Variants in C19orf38 observed in about 807,000 individuals in gnomAD.
C19orf38 encodes the protein chromosome 19 open reading frame 38, also known as protein HIDE1.
A neutral mutation model predicts 26.6 loss-of-function variants in C19orf38; 14 were observed. The ratio of observed to expected loss-of-function variants is 0.53; its 90% CI spans 0.35 to 0.82. C19orf38 has a LOEUF of 0.82. C19orf38 is among the 40% of genes least tolerant of loss of function. The pLI is 0.01. For missense variants in C19orf38, 261 were observed against 299.5 expected (o/e 0.87, Z 0.95); for synonymous variants, 132 against 128.5 (o/e 1.03, Z -0.18).
At chr19:10,859,486 G>A (rs1460345287) in intron 4 of C19orf38, among the ~76,000 whole-genome samples, 3 of 145,964 alleles carry the variant, frequency 2.1e-5, no homozygotes, top group Non-Finnish European at 3.0e-5. Context: ...GGGTTCAAGC[G>A]ATTCTCCTGC....
intron 1 of C19orf38, among the ~76,000 whole-genome samples, chr19:10,840,823 C>T (rs1379993659): frequency 6.6e-6 from 1 of 152,188 alleles, no homozygotes; most frequent in Non-Finnish European, 1.5e-5. Flanking sequence ...AGCCTAGAGA[C>T]AGGTTTTTGC....
chr19:10,842,567 T>C (rs1254475403), intron 1 of C19orf38, among the ~76,000 whole-genome samples: 3 of 151,972 alleles, frequency 2.0e-5, no homozygotes, highest in African/African-American at 7.2e-5. Context: ...GCTAAAATAA[T>C]TTTTAATGGA....
At chr19:10,857,359 TATATATA>T (rs1349270509) in intron 3 of C19orf38, among the ~76,000 whole-genome samples, 21 of 87,646 alleles carry the variant, frequency 2.4e-4, no homozygotes, top group African/African-American at 1.2e-3. Context: ...TATATATATA[TATATATA>T]TTTTTTTTTT....
At chr19:10,849,310 T>A (rs2073545772) in intron 1 of C19orf38, among the ~76,000 whole-genome samples, 1 of 152,074 alleles carries the variant, frequency 6.6e-6, no homozygotes, top group Non-Finnish European at 1.5e-5. Context: ...CGTGAGCCAC[T>A]GCATCAGGTG....
Position 10,869,231 on chromosome 19 carries a change from A to T in C19orf38, c.557A>T (p.Glu186Val). 6.4e-7 allele frequency: 1 copy of T among 1,551,588 alleles called. No individual in the cohort carries two copies. Among genetic ancestry groups the T allele is most frequent in the Non-Finnish European group, 8.7e-7 (1 of 1,146,906 alleles). ...ACATGGACAAAGAAAACGATGCCAG[A>T]AGAAGACCCGGCCACCTTGGATGAT... ...LFTVSAKTMP[E>V]EDPATLDDHS... The change falls in exon 7 of 7, where the codon GAA becomes GTA. Residue 186 changes from glutamate to valine, a missense_variant. Physicochemically the swap from Glu to Val is moderately radical, Grantham distance 121. Coordinates refer to ENST00000397820, the MANE Select transcript of C19orf38 (RefSeq NM_001136482.3).
intron 2 of C19orf38, among the ~76,000 whole-genome samples, chr19:10,851,999 A>G (rs1466038128): frequency 6.6e-6 from 1 of 151,572 alleles, no homozygotes; most frequent in African/African-American, 2.4e-5. Flanking sequence ...AAAAAATACA[A>G]AAAATAGCTG....
rs150692178 is a variant in C19orf38, at chr19:10,855,746, T to C, written c.341-519T>C. 3.5e-3 allele frequency among the ~76,000 whole-genome samples: 540 copies of C among 152,244 alleles called. 11 individuals carry two copies. The South Asian group carries it at 0.05, about 14-fold the overall frequency. On this transcript the variant is annotated intron_variant, in intron 2 of 6. Transcript: ENST00000397820. ...GGTTTCACAGTGTTAGCCAGGATGG[T>C]CTCGATCTACTGACCTAGTGATCCA...
In C19orf38 at chr19:10,863,457, C is replaced by A. The variant is rs570823804; in HGVS notation, c.543+250C>A. Among the ~76,000 whole-genome samples the A allele has an allele frequency of 2.0e-5, 3 of 152,176 alleles. No homozygotes were observed. The East Asian group carries it at 5.8e-4, about 29-fold the overall frequency. The stretch of plus-strand genomic sequence containing the variant: ...TCTTGTGGCCACAGGCAGGCAGGCC[C>A]CTTGGTGGTATGTCCTGGCCTGGTC... On this transcript the variant is annotated intron_variant, in intron 6 of 6. Transcript: ENST00000397820.
At chr19:10,851,974 C>CAAAAAAAA (rs903489432) in intron 2 of C19orf38, among the ~76,000 whole-genome samples, 1 of 48,544 alleles carries the variant, frequency 2.1e-5, no homozygotes, top group Non-Finnish European at 4.3e-5. Flanking sequence ...GACTCCGTCT[C>CAAAAAAAA]AAAAAAAAAA....
At chr19:10,848,177 C>G (rs2073533180), upstream of C19orf38, among the ~76,000 whole-genome samples, 1 of 152,032 alleles carries the variant, frequency 6.6e-6, no homozygotes, top group East Asian at 1.9e-4. Context: ...GGCAACAGAG[C>G]AAGACTCTGT....
rs1428761594 is a variant in C19orf38 at position 10,856,130 on chromosome 19, A to C, written c.341-135A>C. 2.0e-5 allele frequency: 13 copies of C among 646,510 alleles called. No individual in the cohort carries two copies. In the Admixed American group the frequency reaches 2.5e-4, roughly 13 times the overall value. 40.0% of individuals were successfully genotyped at this position (646,510 alleles called of 1,614,324 possible). A position where few individuals can be genotyped will look rare whatever the true frequency, so the allele number is the denominator to read the frequency against. ...GGGATAGGCTAATTGGCCAGACACA[A>C]AGTTTGCTAAGTCTCTTGGGTCCAG... On this transcript the variant is annotated intron_variant, in intron 2 of 6. Transcript: ENST00000397820.
intron 2 of C19orf38, among the ~76,000 whole-genome samples, chr19:10,855,900 G>A (rs530381811): frequency 2.0e-5 from 3 of 152,160 alleles, no homozygotes; most frequent in Non-Finnish European, 4.4e-5. Context: ...CTGGCCTCAA[G>A]TAATCCACCT....
At chr19:10,846,627 A>C (rs952508965), upstream of C19orf38, among the ~76,000 whole-genome samples, 3 of 152,220 alleles carry the variant, frequency 2.0e-5, no homozygotes, top group Non-Finnish European at 4.4e-5. Flanking sequence ...AGGAAGACCG[A>C]TAAGAGACAA....
intron 3 of C19orf38, among the ~76,000 whole-genome samples, chr19:10,857,358 A>AT (rs1395725984): frequency 4.9e-5 from 4 of 82,440 alleles, no homozygotes; most frequent in South Asian, 3.7e-4. Flanking sequence ...ATATATATAT[A>AT]TATATATATT....
rs33999724 is a variant in C19orf38, at chr19:10,855,030, CTTTTTTTTTTT to C, written c.341-1220_341-1210del. On this transcript the variant is annotated intron_variant, in intron 2 of 6. Coordinates refer to ENST00000397820, the MANE Select transcript of C19orf38 (RefSeq NM_001136482.3). ...TGCCCTGAAGCTTCAGATATATATT[CTTTTTTTTTTT>C]TTTTTTTTTTTTTTGAGACAGATTC... 6.4e-5 allele frequency among the ~76,000 whole-genome samples: 5 copies of C among 77,760 alleles called. 1 individual carries two copies. The highest frequency in any genetic ancestry group is 2.5e-4 in the African/African-American group (5 of 20,348). 51.0% of individuals were successfully genotyped at this position (77,760 alleles called of 152,430 possible). A position where few individuals can be genotyped will look rare whatever the true frequency, so the allele number is the denominator to read the frequency against.
intron 1 of C19orf38, 135 bp downstream of exon 1, chr19:10,848,674 TG>T: frequency 1.3e-6 from 1 of 765,084 alleles, no homozygotes. Flanking sequence ...CCTTGGCAGA[TG>T]GGTTTTCCCC....
intron 1 of C19orf38, among the ~76,000 whole-genome samples, chr19:10,849,211 G>A (rs929122972): frequency 1.3e-4 from 19 of 151,686 alleles, no homozygotes; most frequent in African/African-American, 4.1e-4. Context: ...AATAGAGACA[G>A]GGTCTCACTG....
intron 6 of C19orf38, among the ~76,000 whole-genome samples, chr19:10,868,973 G>A (rs564822846): frequency 1.3e-5 from 2 of 152,282 alleles, no homozygotes; most frequent in Admixed American, 1.3e-4. Context: ...GAGGGGTGAA[G>A]CCACACAACT....
At chr19:10,841,714 TG>T in intron 1 of C19orf38, 1 of 630,382 alleles carries the variant, frequency 1.6e-6, no homozygotes, top group Non-Finnish European at 2.8e-6. Context: ...GGCTCACGCC[TG>T]TAATCCCAGC....
Sources: gnomAD v4.1 joint callset for allele counts (sites outside exome capture counted in the v4.1 genomes callset) on GRCh38, gnomAD v4.1.1 for gene constraint, MANE v1.5 for transcripts, NCBI Gene and HGNC (gene_info 2026-07-23, HGNC 2026-07-21) for gene names.